Variants in RYR2 observed in about 807,000 individuals in gnomAD.
RYR2 encodes the protein cardiac muscle ryanodine receptor-calcium release channel.
In RYR2, 227 loss-of-function variants were observed where a neutral mutation model predicts 601.1. The observed-to-expected ratio is 0.38, with a 90% CI of 0.34 to 0.42. The LOEUF (loss-of-function observed/expected upper bound fraction) is 0.42, where lower values mean the gene tolerates loss of function less well. Among genes scored for constraint, RYR2 ranks in the 10% least tolerant of loss-of-function variants. The pLI, the probability that RYR2 is intolerant of heterozygous loss-of-function variation, is 1.00. For missense variants in RYR2, 4,646 were observed against 6,156.5 expected, an observed-to-expected ratio of 0.75 and a Z score of 8.21; for synonymous variants, 2,223 against 2,175.1, an observed-to-expected ratio of 1.02 and a Z score of -0.61.
intron 1 of RYR2, among the ~76,000 whole-genome samples, chr1:237,226,308 GA>G (rs1684363024): frequency 6.6e-6 from 1 of 152,104 alleles, no homozygotes; most frequent in Non-Finnish European, 1.5e-5. Context: ...CATTCCTCTG[GA>G]CCAAGGTAGT....
At position 237,737,467 on chromosome 1, in the gene RYR2, C is replaced by T. The variant is rs139762745; in HGVS notation, c.11091+3711C>T. Reference sequence around the variant, plus strand: ...GGAACTGTACCCTCACTTGCACTGCCTTAGGATCTTATACATTTGCCATCA... The same window carrying T: ...GGAACTGTACCCTCACTTGCACTGCTTTAGGATCTTATACATTTGCCATCA... On this transcript the variant is annotated intron_variant, in intron 79 of 104. Coordinates refer to ENST00000366574, the MANE Select transcript of RYR2 (RefSeq NM_001035.3). Among the ~76,000 whole-genome samples the T allele has an allele frequency of 3.0e-3, 455 of 152,282 alleles. 4 individuals carry two copies. The highest frequency in any genetic ancestry group is 0.011 in the African/African-American group (444 of 41,562).
At chr1:237,801,435 G>T (rs568091502) in intron 97 of RYR2, among the ~76,000 whole-genome samples, 1 of 151,254 alleles carries the variant, frequency 6.6e-6, no homozygotes, top group Non-Finnish European at 1.5e-5. Flanking sequence ...CCAGCTACTC[G>T]GGAGGCTGAG....
intron 100 of RYR2, among the ~76,000 whole-genome samples, chr1:237,814,965 CTTTT>C (rs11314213): frequency 4.5e-4 from 42 of 93,928 alleles, no homozygotes; most frequent in East Asian, 1.9e-3. Flanking sequence ...TTTCTTTTTT[CTTTT>C]TTTTTTTTTT....
At chr1:237,126,790 T>A (rs1671485749) in intron 1 of RYR2, among the ~76,000 whole-genome samples, 1 of 152,064 alleles carries the variant, frequency 6.6e-6, no homozygotes, top group South Asian at 2.1e-4. Context: ...TTTATTTTTT[T>A]AAATTTATTT....
chr1:237,262,902 G>T (rs1418263317), intron 1 of RYR2, among the ~76,000 whole-genome samples: 1 of 151,940 alleles, frequency 6.6e-6, no homozygotes, highest in East Asian at 1.9e-4. Context: ...TGATGTGAGA[G>T]ATTTTTTTTT....
chr1:237,355,454 T>A (rs2149689395), intron 3 of RYR2, among the ~76,000 whole-genome samples: 1 of 152,300 alleles, frequency 6.6e-6, no homozygotes, highest in East Asian at 1.9e-4. Context: ...GATTCCCACA[T>A]AACTTCAGAA....
At chr1:237,226,380 C>T (rs1366709628) in intron 1 of RYR2, among the ~76,000 whole-genome samples, 3 of 152,210 alleles carry the variant, frequency 2.0e-5, no homozygotes, top group East Asian at 1.9e-4. Flanking sequence ...AGTGGCGTGG[C>T]GTACATGTTT....
At chr1:237,259,177 AG>A (rs1688273021) in intron 1 of RYR2, among the ~76,000 whole-genome samples, 1 of 152,138 alleles carries the variant, frequency 6.6e-6, no homozygotes, top group Admixed American at 6.5e-5. Context: ...ACAGAACAAC[AG>A]ATTACTTCTG....
At chr1:237,451,022 C>T (rs1218467790) in intron 14 of RYR2, among the ~76,000 whole-genome samples, 1 of 146,596 alleles carries the variant, frequency 6.8e-6, no homozygotes, top group Non-Finnish European at 1.5e-5. Context: ...TATATATATC[C>T]AGTAATCATG....
intron 84 of RYR2, among the ~76,000 whole-genome samples, chr1:237,768,603 C>G (rs1694028723): frequency 6.6e-6 from 1 of 152,192 alleles, no homozygotes; most frequent in African/African-American, 2.4e-5. Flanking sequence ...ACATGTTACT[C>G]CATTCCGTTA....
Position 237,718,488 on chromosome 1 carries a change from T to C in RYR2, c.10521T>C (p.Asp3507=). 2 of 1,597,130 alleles carry C rather than the reference T, an allele frequency of 1.3e-6. No homozygotes were observed. The change falls in exon 73 of 105, where the codon GAT becomes GAC. Residue 3507 remains aspartate, a synonymous_variant. Coordinates refer to ENST00000366574, the MANE Select transcript of RYR2 (RefSeq NM_001035.3). ...SLKDTEDEVR[D]IIRSNIHLQG... is the part of the protein sequence containing the mutation. ...AAGATACCGAGGATGAAGTACGAGA[T>C]ATAATCCGCAGCAATATTCATTTAC...
rs545052011 is a variant in RYR2 at position 237,637,851 on chromosome 1, G to A, written c.6793-506G>A. Among the ~76,000 whole-genome samples the A allele has an allele frequency of 8.5e-5, 13 of 152,200 alleles. No homozygotes were observed. The South Asian group carries it at 2.3e-3, about 27-fold the overall frequency. On this transcript the variant is annotated intron_variant, in intron 44 of 104. Transcript: ENST00000366574. ...TTTTACACATAATCCTGCAGCTCTTGGCCCACCCAGACAGACTTGGTTGCC... is the reference window on the plus strand; with the variant it reads ...TTTTACACATAATCCTGCAGCTCTTAGCCCACCCAGACAGACTTGGTTGCC...
At chr1:237,617,518 T>C (rs762621157) in intron 38 of RYR2, 32 bp downstream of exon 38, 37 of 1,600,492 alleles carry the variant, frequency 2.3e-5, no homozygotes, top group Non-Finnish European at 3.1e-5. Context: ...TCTTCGTATT[T>C]ATGTTGGCTT....
rs1349521379 is a variant in RYR2, at chr1:237,614,569, C to T, written c.5441C>T (p.Thr1814Ile). 1 of 1,614,052 alleles carries T rather than the reference C, an allele frequency of 6.2e-7. No individual in the cohort carries two copies. Among genetic ancestry groups the T allele is most frequent in the South Asian group, 1.1e-5 (1 of 91,084 alleles). ...LHARDPVGGT[T>I]EFLFVPLIKL... The stretch of plus-strand genomic sequence containing the variant: ...GCCCGGGACCCAGTTGGAGGGACTA[C>T]TGAATTCCTCTTTGTACCTCTCATC... The change falls in exon 37 of 105, where the codon ACT (threonine) becomes ATT (isoleucine). Residue 1814 changes from threonine to isoleucine, a missense_variant. Physicochemically the swap from Thr to Ile is moderately conservative, Grantham distance 89. Around this residue, in one of 17 missense-constraint regions of RYR2, gnomAD observed 1,807 missense variants for 2,088.1 expected, o/e 0.87. Transcript: ENST00000366574. This position sits in a 1 kb window ranked among gnomAD's most constrained non-coding sequence, Gnocchi z 4.3.
chr1:237,131,805 C>T (rs144956717), intron 1 of RYR2, among the ~76,000 whole-genome samples: 6 of 152,030 alleles, frequency 3.9e-5, no homozygotes, highest in East Asian at 1.9e-4. Flanking sequence ...ATTGCAGCTT[C>T]GACCTCCAGG....
chr1:237,792,360 T>C (rs1308580145), intron 94 of RYR2, 37 bp downstream of exon 94: 1 of 820,856 alleles, frequency 1.2e-6, no homozygotes, highest in African/African-American at 2.4e-5. Flanking sequence ...TGTGTGTGTG[T>C]GTGTGTGTGT....
chr1:237,531,327 C>G (rs1668120266), intron 25 of RYR2, among the ~76,000 whole-genome samples: 2 of 152,130 alleles, frequency 1.3e-5, no homozygotes, highest in Admixed American at 1.3e-4. Flanking sequence ...CCTCACCTTT[C>G]TCATCTGCCT....
intron 29 of RYR2, among the ~76,000 whole-genome samples, chr1:237,576,084 G>A (rs926447659): frequency 1.3e-5 from 2 of 152,152 alleles, no homozygotes; most frequent in African/African-American, 2.4e-5. Flanking sequence ...CTTATTGAGA[G>A]ATGGTTGACT....
chr1:237,586,205 C>T (rs1465319989), intron 29 of RYR2, among the ~76,000 whole-genome samples: 2 of 152,052 alleles, frequency 1.3e-5, no homozygotes, highest in African/African-American at 2.4e-5. Flanking sequence ...CTTCAATCGT[C>T]AATTATTTTT....
Sources: allele counts gnomAD v4.1 joint callset (sites outside exome capture counted in the v4.1 genomes callset), GRCh38; gene constraint gnomAD v4.1.1; regional missense constraint gnomAD v4.1.1; non-coding constraint Gnocchi (gnomAD v3.1); transcripts MANE v1.5; gene names NCBI Gene and HGNC (gene_info 2026-07-23, HGNC 2026-07-21).